The following RNF138 variants were observed in gnomAD, a reference collection of about 807,000 sequenced individuals.
RNF138 encodes the protein E3 ubiquitin-protein ligase RNF138.
A neutral mutation model predicts 31.0 loss-of-function variants in RNF138; 12 were observed. That is an observed-to-expected ratio of 0.39 (90% CI 0.25 to 0.63). The LOEUF (loss-of-function observed/expected upper bound fraction) is 0.63, where lower values mean the gene tolerates loss of function less well. RNF138 is among the 20% of genes least tolerant of loss of function. RNF138 has a pLI of 0.52. For synonymous variants in RNF138, 105 were observed against 99.5 expected (o/e 1.06, Z -0.33); for missense variants, 192 against 300.1 (o/e 0.64, Z 2.66).
intron 2 of RNF138, among the ~76,000 whole-genome samples, chr18:32,093,283 C>T (rs1376048077): frequency 1.3e-5 from 2 of 152,076 alleles, no homozygotes; most frequent in Admixed American, 6.5e-5. Flanking sequence ...CTTAGCAACC[C>T]GGGTGAAGGC....
intron 5 of RNF138, chr18:32,124,480 T>G (rs1051862461): frequency 1.7e-5 from 6 of 344,566 alleles, no homozygotes; most frequent in Non-Finnish European, 2.7e-5. Flanking sequence ...GCTAGGTTTT[T>G]GTTTTTGTTT....
intron 4 of RNF138, among the ~76,000 whole-genome samples, chr18:32,115,892 ATTTG>A: frequency 6.6e-6 from 1 of 152,078 alleles, no homozygotes; most frequent in African/African-American, 2.4e-5. Flanking sequence ...ATGTTGATTT[ATTTG>A]TTCCCTCTCT....
chr18:32,114,895 TTGTC>T (rs1327683397), intron 4 of RNF138, among the ~76,000 whole-genome samples: 23 of 152,282 alleles, frequency 1.5e-4, no homozygotes, highest in East Asian at 9.6e-4. Flanking sequence ...CCTTTAGTGA[TTGTC>T]TGGTAAAGAT....
chr18:32,123,509 C>T lies in RNF138; in HGVS notation c.393-9C>T. 6.4e-7 allele frequency: 1 copy of T among 1,560,210 alleles called. No homozygotes were observed. The highest frequency in any genetic ancestry group is 8.7e-7 in the Non-Finnish European group (1 of 1,151,582). ...TGAGGTATTAACTTTTTCCCCTGTG[C>T]TTCTTAAGCAATAGGAGTGAAACAT... On this transcript the variant is annotated splice_polypyrimidine_tract_variant and intron_variant, in intron 4 of 7. Coordinates refer to ENST00000261593, the MANE Select transcript of RNF138 (RefSeq NM_016271.5).
At chr18:32,096,849 C>T (rs1043736477) in intron 2 of RNF138, among the ~76,000 whole-genome samples, 2 of 152,116 alleles carry the variant, frequency 1.3e-5, no homozygotes, top group Non-Finnish European at 2.9e-5. Flanking sequence ...ACCTCAACCT[C>T]CCAAGTAGCT....
intron 2 of RNF138, among the ~76,000 whole-genome samples, chr18:32,099,088 A>G (rs556215331): frequency 6.6e-6 from 1 of 152,242 alleles, no homozygotes; most frequent in African/African-American, 2.4e-5. Context: ...TGTTGGGAGA[A>G]TGCGTAATGG....
At chr18:32,112,331 T>G (rs1040270070) in intron 3 of RNF138, among the ~76,000 whole-genome samples, 1 of 152,200 alleles carries the variant, frequency 6.6e-6, no homozygotes. Context: ...CACATGGATT[T>G]ATGTAGTTTA....
chr18:32,105,070 A>G (rs2040006524), intron 2 of RNF138, among the ~76,000 whole-genome samples: 1 of 152,216 alleles, frequency 6.6e-6, no homozygotes, highest in Admixed American at 6.5e-5. Flanking sequence ...ATAAAAATAC[A>G]AAATGAAAAT....
intron 2 of RNF138, among the ~76,000 whole-genome samples, chr18:32,109,274 C>G (rs1024079446): frequency 2.1e-4 from 32 of 152,078 alleles, no homozygotes; most frequent in Non-Finnish European, 4.4e-4. Flanking sequence ...TCACCTCAGC[C>G]TCCTGAGTAG....
chr18:32,099,904 T>C (rs1456484633), intron 2 of RNF138, among the ~76,000 whole-genome samples: 2 of 152,236 alleles, frequency 1.3e-5, no homozygotes, highest in Non-Finnish European at 2.9e-5. Context: ...CAAATGGAAT[T>C]GCTGGGTCAA....
chr18:32,128,064 T>C (rs1273671270), intron 7 of RNF138, among the ~76,000 whole-genome samples: 10 of 144,416 alleles, frequency 6.9e-5, no homozygotes, highest in African/African-American at 2.6e-4. Flanking sequence ...TGGGTGACAG[T>C]GCGAGACTCC....
chr18:32,099,970 A>G (rs113013710), intron 2 of RNF138, among the ~76,000 whole-genome samples: 2,359 of 152,318 alleles, frequency 0.015, 26 homozygotes, highest in Non-Finnish European at 0.025. Flanking sequence ...TTGCAGCTCT[A>G]GTGAAGTGTC....
chr18:32,092,919 G>A (rs769582697), intron 2 of RNF138, 33 bp downstream of exon 2: 2 of 1,338,674 alleles, frequency 1.5e-6, no homozygotes, highest in Non-Finnish European at 1.0e-6. Flanking sequence ...TCGCGGAGCC[G>A]GGTTGTCGCT....
chr18:32,108,334 A>G (rs2040071183), intron 2 of RNF138, among the ~76,000 whole-genome samples: 1 of 152,176 alleles, frequency 6.6e-6, no homozygotes, highest in Non-Finnish European at 1.5e-5. Context: ...CTAAGGGAAC[A>G]TATCCCACCT....
chr18:32,111,817 T>C lies in RNF138; in HGVS notation c.174T>C (p.Arg58=). ...RESGAHCPLC[R]GNVTRRERAC... ...GCGGAGCACATTGTCCCCTATGTCG[T>C]GGAAATGTGACTAGAAGAGAGAGAG... The change falls in exon 3 of 8, where the codon CGT becomes CGC. Residue 58 remains arginine, a synonymous_variant. Coordinates refer to ENST00000261593, the MANE Select transcript of RNF138 (RefSeq NM_016271.5). 1 of 1,613,828 alleles carries C rather than the reference T, an allele frequency of 6.2e-7. No individual in the cohort carries two copies. The highest frequency in any genetic ancestry group is 8.5e-7 in the Non-Finnish European group (1 of 1,179,798).
intron 2 of RNF138, among the ~76,000 whole-genome samples, chr18:32,096,591 A>G (rs2039810252): frequency 1.3e-5 from 2 of 152,214 alleles, no homozygotes; most frequent in African/African-American, 2.4e-5. Flanking sequence ...TTGCAGCCAG[A>G]CAAGGAACGA....
chr18:32,125,258 A>G (rs2040366146), intron 6 of RNF138: 1 of 155,758 alleles, frequency 6.4e-6, no homozygotes, highest in African/African-American at 2.4e-5. Flanking sequence ...AGGTATTTTT[A>G]TTGTTTTCTT....
At chr18:32,103,652 A>G (rs2039979425) in intron 2 of RNF138, among the ~76,000 whole-genome samples, 1 of 152,128 alleles carries the variant, frequency 6.6e-6, no homozygotes, top group Non-Finnish European at 1.5e-5. Flanking sequence ...TTTAGACAAG[A>G]GTACATGTTG....
In RNF138 at chr18:32,092,819, G is replaced by A; in HGVS notation, c.43G>A (p.Asp15Asn). The A allele has an allele frequency of 6.2e-7, 1 of 1,600,012 alleles. No homozygotes were observed. Among genetic ancestry groups the A allele is most frequent in the Non-Finnish European group, 8.5e-7 (1 of 1,175,590 alleles). The stretch of plus-strand genomic sequence containing the variant: ...TGCGGCCACGTCCTACACCGAAGAT[G>A]ATTTCTACTGCCCCGTCTGTCAGGA... ...LSAATSYTED[D>N]FYCPVCQEVL... The change falls in exon 2 of 8, where the codon GAT becomes AAT. Residue 15 changes from aspartate (D) to asparagine (N), a missense_variant. Physicochemically the swap from Asp to Asn is conservative, Grantham distance 23. Coordinates refer to ENST00000261593, the MANE Select transcript of RNF138 (RefSeq NM_016271.5).
Sources: allele counts gnomAD v4.1 joint callset (sites outside exome capture counted in the v4.1 genomes callset), GRCh38; gene constraint gnomAD v4.1.1; transcripts MANE v1.5; gene names NCBI Gene and HGNC (gene_info 2026-07-23, HGNC 2026-07-21).